Variants in SGCD observed in about 807,000 individuals in gnomAD.
SGCD encodes delta-sarcoglycan.
A neutral mutation model predicts 36.6 loss-of-function variants in SGCD; 18 were observed. The observed-to-expected ratio is 0.49, with a 90% CI of 0.34 to 0.73. The LOEUF (loss-of-function observed/expected upper bound fraction) is 0.73, where lower values mean the gene tolerates loss of function less well. SGCD is among the 30% of genes least tolerant of loss of function. The pLI, the probability that SGCD is intolerant of heterozygous loss-of-function variation, is 0.01. For synonymous variants in SGCD, 133 were observed against 130.6 expected (o/e 1.02, Z -0.12); for missense variants, 387 against 346.7 (o/e 1.12, Z -0.92).
chr5:156,519,289 G>C (rs1363142344), intron 4 of SGCD, among the ~76,000 whole-genome samples: 2 of 152,050 alleles, frequency 1.3e-5, no homozygotes, highest in South Asian at 4.1e-4. Context: ...TGAGGAAAAA[G>C]TTGATTCCCT....
chr5:156,224,178 C>A (rs1261616338), intron 3 of SGCD, among the ~76,000 whole-genome samples: 1 of 151,822 alleles, frequency 6.6e-6, no homozygotes, highest in Non-Finnish European at 1.5e-5. Context: ...CATTGAGGTG[C>A]AGGGAGATAG....
At chr5:156,412,973 A>G (rs976373899) in intron 3 of SGCD, among the ~76,000 whole-genome samples, 3 of 150,188 alleles carry the variant, frequency 2.0e-5, no homozygotes, top group Non-Finnish European at 1.5e-5. Flanking sequence ...TTTTTTTTGT[A>G]TTTTTAGTAG....
At chr5:155,811,181 A>G in the SGCD span, among the ~76,000 whole-genome samples, 1 of 152,092 alleles carries the variant, frequency 6.6e-6, no homozygotes, top group South Asian at 2.1e-4. Context: ...GGAACTACCA[A>G]TAGATCATTA....
At chr5:156,243,406 AAC>A (rs1765354026) in intron 3 of SGCD, among the ~76,000 whole-genome samples, 1 of 152,228 alleles carries the variant, frequency 6.6e-6, no homozygotes, top group African/African-American at 2.4e-5. Flanking sequence ...CCAAGAAGTA[AAC>A]ACATTAAGGG....
chr5:155,851,398 A>G, the SGCD span, among the ~76,000 whole-genome samples: 133,778 of 152,082 alleles, frequency 0.88, 58,921 homozygotes, highest in East Asian at 0.99. Flanking sequence ...GTGAGCTGAC[A>G]TCTTGGTGTT....
the SGCD span, among the ~76,000 whole-genome samples, chr5:155,777,863 C>CT: frequency 6.6e-6 from 1 of 152,108 alleles, no homozygotes; most frequent in Non-Finnish European, 1.5e-5. Flanking sequence ...ATTTACAGGC[C>CT]TTGCAGGTCC....
At chr5:156,147,587 G>T (rs1762735056) in intron 3 of SGCD, among the ~76,000 whole-genome samples, 2 of 152,154 alleles carry the variant, frequency 1.3e-5, no homozygotes, top group South Asian at 4.1e-4. Context: ...AAATTGTCAG[G>T]ATGTTTGTTG....
intron 1 of SGCD, among the ~76,000 whole-genome samples, chr5:155,890,698 C>T (rs73301325): frequency 0.028 from 4,128 of 148,276 alleles, 196 homozygotes; most frequent in African/African-American, 0.097. Flanking sequence ...ATAGGAGAAC[C>T]AGGCTCAGAA....
chr5:156,255,923 C>T (rs919574130), intron 3 of SGCD, among the ~76,000 whole-genome samples: 7 of 151,324 alleles, frequency 4.6e-5, no homozygotes, highest in Non-Finnish European at 7.4e-5. Flanking sequence ...AAGCTGGACA[C>T]TTAGTTCAAT....
intron 3 of SGCD, among the ~76,000 whole-genome samples, chr5:156,489,819 G>A (rs1000591994): frequency 2.0e-5 from 3 of 151,394 alleles, no homozygotes; most frequent in African/African-American, 7.3e-5. Context: ...CTCAAGAAAA[G>A]CAGGAATAAA....
chr5:155,887,787 T>G (rs895318477), intron 1 of SGCD, among the ~76,000 whole-genome samples: 6 of 152,208 alleles, frequency 3.9e-5, no homozygotes, highest in African/African-American at 1.4e-4. Flanking sequence ...TCCTATTCCC[T>G]TCTCTCCATC....
chr5:156,617,562 C>T (rs1396549857), intron 6 of SGCD, among the ~76,000 whole-genome samples: 1 of 152,168 alleles, frequency 6.6e-6, no homozygotes, highest in Non-Finnish European at 1.5e-5. Context: ...TGGAGTTTGA[C>T]CTCTGCCTTG....
At chr5:155,920,802 G>A (rs1193085585) in intron 1 of SGCD, among the ~76,000 whole-genome samples, 1 of 152,144 alleles carries the variant, frequency 6.6e-6, no homozygotes, top group East Asian at 1.9e-4. Flanking sequence ...TCAGCAGTCA[G>A]CATCTTATGT....
At chr5:156,419,405 A>G (rs1379944411) in intron 3 of SGCD, among the ~76,000 whole-genome samples, 1 of 152,116 alleles carries the variant, frequency 6.6e-6, no homozygotes, top group African/African-American at 2.4e-5. Flanking sequence ...AAGCTAAGGA[A>G]CTGGTGTTCT....
intron 1 of SGCD, among the ~76,000 whole-genome samples, chr5:155,942,733 A>G (rs1438633595): frequency 1.3e-5 from 2 of 152,216 alleles, no homozygotes; most frequent in African/African-American, 2.4e-5. Context: ...ATGATGTACA[A>G]TATGCAGGAT....
At chr5:156,068,059 C>G (rs1365274894) in intron 1 of SGCD, among the ~76,000 whole-genome samples, 1 of 151,846 alleles carries the variant, frequency 6.6e-6, no homozygotes, top group African/African-American at 2.4e-5. Context: ...CAACCTTCCT[C>G]TCTACCTGCA....
the SGCD span, among the ~76,000 whole-genome samples, chr5:155,804,462 G>A: frequency 6.6e-6 from 1 of 152,274 alleles, no homozygotes; most frequent in South Asian, 2.1e-4. Flanking sequence ...TCTGGGTTTT[G>A]AATCTTCACC....
intron 7 of SGCD, among the ~76,000 whole-genome samples, chr5:156,745,496 A>G (rs1756903115): frequency 6.6e-6 from 1 of 152,216 alleles, no homozygotes; most frequent in African/African-American, 2.4e-5. Flanking sequence ...CAGGCTTCAA[A>G]TAATTCCTGC....
At position 156,437,709 on chromosome 5, in the gene SGCD, G is replaced by T. The variant is rs147904686; in HGVS notation, c.193-70892G>T. Among the ~76,000 whole-genome samples the T allele has an allele frequency of 1.9e-4, 29 of 152,316 alleles. 1 individual carries two copies. The East Asian group carries it at 5.2e-3, about 27-fold the overall frequency. On this transcript the variant is annotated intron_variant, in intron 3 of 8. Coordinates refer to ENST00000337851, the MANE Select transcript of SGCD (RefSeq NM_000337.6). Reference sequence around the variant, plus strand: ...AACAAAGGGGAGTCACAATTTGACTGCTGGATACTTAAATCTCAGCCAACA... The same window carrying T: ...AACAAAGGGGAGTCACAATTTGACTTCTGGATACTTAAATCTCAGCCAACA...
Sources: allele counts gnomAD v4.1 joint callset (sites outside exome capture counted in the v4.1 genomes callset), GRCh38; gene constraint gnomAD v4.1.1; transcripts MANE v1.5; gene names NCBI Gene and HGNC (gene_info 2026-07-23, HGNC 2026-07-21).